Variants in ADGRB3 observed in about 807,000 individuals in gnomAD.
ADGRB3 encodes the protein adhesion G protein-coupled receptor B3.
ADGRB3 carries 37 observed loss-of-function variants against 193.4 expected under a neutral mutation model. The observed-to-expected ratio is 0.19, with a 90% CI of 0.15 to 0.25. ADGRB3 has a LOEUF of 0.25. Among genes scored for constraint, ADGRB3 ranks in the 10% least tolerant of loss-of-function variants. The pLI is 1.00. For synonymous variants in ADGRB3, 690 were observed against 644.2 expected (o/e 1.07, Z -1.08); for missense variants, 1,637 against 1,852.9 (o/e 0.88, Z 2.14).
chr6:68,676,310 G>C (rs181315284), intron 3 of ADGRB3, among the ~76,000 whole-genome samples: 15 of 148,824 alleles, frequency 1.0e-4, no homozygotes, highest in African/African-American at 3.5e-4. Flanking sequence ...ATAATGGCTT[G>C]AACCGGGGAG....
chr6:68,950,769 A>G (rs1258848249), intron 6 of ADGRB3, among the ~76,000 whole-genome samples: 5 of 152,212 alleles, frequency 3.3e-5, no homozygotes, highest in South Asian at 4.1e-4. Context: ...TGATGCCACC[A>G]TAATTCAAGC....
At chr6:68,852,979 C>G (rs1040174879) in intron 3 of ADGRB3, among the ~76,000 whole-genome samples, 5 of 151,996 alleles carry the variant, frequency 3.3e-5, no homozygotes, top group Admixed American at 6.6e-5. Context: ...AATGATGAGC[C>G]ATATATACTG....
intron 3 of ADGRB3, among the ~76,000 whole-genome samples, chr6:68,748,523 C>T (rs1014148603): frequency 7.2e-5 from 11 of 152,188 alleles, no homozygotes; most frequent in Non-Finnish European, 1.6e-4. Context: ...ACATCCAGGT[C>T]ACACTGGTGC....
intron 13 of ADGRB3, among the ~76,000 whole-genome samples, chr6:69,035,160 T>C (rs1435351977): frequency 6.6e-6 from 1 of 152,102 alleles, no homozygotes; most frequent in African/African-American, 2.4e-5. Context: ...CTATAAAATA[T>C]AATTAATTGT....
intron 3 of ADGRB3, among the ~76,000 whole-genome samples, chr6:68,649,713 G>A (rs1479521271): frequency 6.6e-6 from 1 of 152,128 alleles, no homozygotes; most frequent in Non-Finnish European, 1.5e-5. Context: ...GAGAAATAAT[G>A]TGCATTCTTG....
At chr6:68,679,131 A>G (rs1165569365) in intron 3 of ADGRB3, among the ~76,000 whole-genome samples, 1 of 152,194 alleles carries the variant, frequency 6.6e-6, no homozygotes, top group African/African-American at 2.4e-5. Context: ...ATAAAATTCA[A>G]TATTTGTTAG....
Position 68,808,101 on chromosome 6 carries a change from AT to A in ADGRB3, c.758-122457del, listed in dbSNP as rs370526896. Among the ~76,000 whole-genome samples the A allele has an allele frequency of 2.6e-3, 397 of 152,236 alleles. 1 individual carries two copies. The highest frequency in any genetic ancestry group is 9.1e-3 in the African/African-American group (378 of 41,572). On this transcript the variant is annotated intron_variant, in intron 3 of 31. Coordinates refer to ENST00000370598, the MANE Select transcript of ADGRB3 (RefSeq NM_001704.3). Reference sequence around the variant, plus strand: ...CCAATTTCCTCTTACTCCTGAAAAAATAAAGACAAATAAAATTATTTTTATT... The same window carrying A: ...CCAATTTCCTCTTACTCCTGAAAAAAAAAGACAAATAAAATTATTTTTATT...
At chr6:69,065,540 T>C (rs1421592290) in intron 16 of ADGRB3, among the ~76,000 whole-genome samples, 26 of 152,122 alleles carry the variant, frequency 1.7e-4, no homozygotes, top group Non-Finnish European at 8.8e-5. Flanking sequence ...AGTATTACTG[T>C]TCACTAAGGG....
chr6:68,900,466 G>C (rs1766364096), intron 3 of ADGRB3, among the ~76,000 whole-genome samples: 1 of 152,116 alleles, frequency 6.6e-6, no homozygotes, highest in Non-Finnish European at 1.5e-5. Context: ...TCTCCAAATA[G>C]GCAGCTATCT....
At chr6:69,178,883 CT>C (rs1427049069) in intron 17 of ADGRB3, among the ~76,000 whole-genome samples, 2 of 151,990 alleles carry the variant, frequency 1.3e-5, no homozygotes, top group Middle Eastern at 3.2e-3. Context: ...GAGATTTTTT[CT>C]TTATTGTTGA....
chr6:68,664,802 C>T (rs1768758826), intron 3 of ADGRB3, among the ~76,000 whole-genome samples: 1 of 151,776 alleles, frequency 6.6e-6, no homozygotes, highest in South Asian at 2.1e-4. Flanking sequence ...TACTTTACTG[C>T]CTCCAAATAT....
At chr6:69,009,010 C>T (rs1769855070) in intron 11 of ADGRB3, among the ~76,000 whole-genome samples, 1 of 150,806 alleles carries the variant, frequency 6.6e-6, no homozygotes, top group African/African-American at 2.4e-5. Context: ...TAGGTATAAA[C>T]TATTTATTGT....
intron 17 of ADGRB3, among the ~76,000 whole-genome samples, chr6:69,139,309 G>A (rs1465859855): frequency 6.6e-6 from 1 of 152,174 alleles, no homozygotes; most frequent in African/African-American, 2.4e-5. Flanking sequence ...GCCAATAAAT[G>A]CCTGTGTGAC....
At chr6:68,685,661 G>T (rs1239157548) in intron 3 of ADGRB3, among the ~76,000 whole-genome samples, 1 of 151,932 alleles carries the variant, frequency 6.6e-6, no homozygotes, top group Non-Finnish European at 1.5e-5. Context: ...GGTAGATCAT[G>T]AGGTCAGGAG....
chr6:69,079,042 A>G (rs1412038341), intron 17 of ADGRB3, among the ~76,000 whole-genome samples: 6 of 152,114 alleles, frequency 3.9e-5, no homozygotes, highest in Admixed American at 1.3e-4. Flanking sequence ...TAGAGCTAAC[A>G]TTGGAAATTT....
chr6:69,230,336 G>A (rs911642704), intron 17 of ADGRB3, among the ~76,000 whole-genome samples: 2 of 152,044 alleles, frequency 1.3e-5, no homozygotes, highest in African/African-American at 2.4e-5. Context: ...ATTTATTATA[G>A]CATGCAAAAC....
chr6:68,932,135 G>A (rs902430510), intron 4 of ADGRB3, among the ~76,000 whole-genome samples: 2 of 152,016 alleles, frequency 1.3e-5, no homozygotes, highest in East Asian at 1.9e-4. Context: ...CATCTTTGTC[G>A]GCACCATCTA....
At chr6:68,655,860 C>A (rs991433468) in intron 3 of ADGRB3, among the ~76,000 whole-genome samples, 10 of 151,660 alleles carry the variant, frequency 6.6e-5, no homozygotes, top group Middle Eastern at 3.4e-3. Flanking sequence ...TAAGTAACTT[C>A]TTCTTCTGTG....
At position 68,956,242 on chromosome 6, in the gene ADGRB3, T is replaced by C. The variant is rs1419468756; in HGVS notation, c.1360+54T>C. 5 of 1,520,164 alleles carry C rather than the reference T, an allele frequency of 3.3e-6. No individual in the cohort carries two copies. In the South Asian group the frequency reaches 6.4e-5, roughly 20 times the overall value. The allele number at this position is 1,520,164 out of a possible 1,614,324, so 94.2% of individuals were successfully genotyped here. ...CACTCGTACCATGTAAAGGGCACATTATAAAATGTGTCAGAACTATGCCAG... is the reference window on the plus strand; with the variant it reads ...CACTCGTACCATGTAAAGGGCACATCATAAAATGTGTCAGAACTATGCCAG... On this transcript the variant is annotated intron_variant, in intron 7 of 31. Transcript: ENST00000370598.
Sources: gnomAD v4.1 joint callset for allele counts (sites outside exome capture counted in the v4.1 genomes callset) on GRCh38, gnomAD v4.1.1 for gene constraint, MANE v1.5 for transcripts, NCBI Gene and HGNC (gene_info 2026-07-23, HGNC 2026-07-21) for gene names.